Variants in RAB2A observed in about 807,000 individuals in gnomAD.
The protein encoded by RAB2A is ras-related protein Rab-2A.
In RAB2A, 7 loss-of-function variants were observed where a neutral mutation model predicts 32.5. That is an observed-to-expected ratio of 0.22 (90% CI 0.12 to 0.40). The LOEUF (loss-of-function observed/expected upper bound fraction) is 0.40. RAB2A is among the 10% of genes least tolerant of loss of function. The pLI is 1.00. For missense variants in RAB2A, 108 were observed against 260.7 expected (o/e 0.41, Z 4.03); for synonymous variants, 79 against 85.2 (o/e 0.93, Z 0.40).
chr8:60,525,150 T>G (rs1807359646), intron 1 of RAB2A, among the ~76,000 whole-genome samples: 1 of 152,238 alleles, frequency 6.6e-6, no homozygotes, highest in South Asian at 2.1e-4. Flanking sequence ...GAATCTCATC[T>G]CAAATTTTAA....
chr8:60,619,280 C>T (rs1230874876), intron 7 of RAB2A, among the ~76,000 whole-genome samples: 1 of 152,076 alleles, frequency 6.6e-6, no homozygotes, highest in Non-Finnish European at 1.5e-5. Flanking sequence ...CATCACTTGA[C>T]CCACATCCCC....
At chr8:60,586,053 C>A (rs1348390020) in intron 5 of RAB2A, among the ~76,000 whole-genome samples, 1 of 152,176 alleles carries the variant, frequency 6.6e-6, no homozygotes, top group Non-Finnish European at 1.5e-5. Context: ...GTGATCCCAA[C>A]ACTTTGGGAG....
intron 5 of RAB2A, among the ~76,000 whole-genome samples, chr8:60,586,988 G>A (rs1222815295): frequency 1.3e-5 from 2 of 151,400 alleles, no homozygotes; most frequent in Non-Finnish European, 2.9e-5. Flanking sequence ...ATCAAACATT[G>A]GCAGACTTTT....
chr8:60,572,096 C>T lies in RAB2A; in HGVS notation c.169C>T (p.Leu57Phe), dbSNP rs1719768205. 6.2e-7 allele frequency: 1 copy of T among 1,603,608 alleles called. No homozygotes were observed. Among genetic ancestry groups the T allele is most frequent in the Non-Finnish European group, 8.5e-7 (1 of 1,172,836 alleles). The change falls in exon 3 of 8, where the codon CTT (leucine) becomes TTT (phenylalanine). Residue 57 changes from leucine to phenylalanine, a missense_variant. By Grantham distance (22) the Leu-to-Phe change is conservative. Coordinates refer to ENST00000262646, the MANE Select transcript of RAB2A (RefSeq NM_002865.3). Reference protein sequence around the residue: ...MITIDGKQIKLQIWDTAGQES... With the variant: ...MITIDGKQIKFQIWDTAGQES... ...AACTATTGATGGGAAACAGATAAAA[C>T]TTCAGATATGGGATACGGTAAGTAT... is the stretch of plus-strand genomic sequence containing the variant.
intron 1 of RAB2A, among the ~76,000 whole-genome samples, chr8:60,549,004 G>A (rs1267363684): frequency 4.6e-5 from 7 of 151,406 alleles, no homozygotes; most frequent in African/African-American, 1.5e-4. Context: ...CCCGGACGGG[G>A]CGGCAGGGCA....
intron 6 of RAB2A, among the ~76,000 whole-genome samples, chr8:60,595,124 A>G (rs955925047): frequency 3.3e-5 from 5 of 152,226 alleles, no homozygotes; most frequent in Non-Finnish European, 5.9e-5. Flanking sequence ...GTTTTCTAAT[A>G]GAAGTGAAAT....
At chr8:60,611,031 C>T (rs1383485569) in intron 6 of RAB2A, among the ~76,000 whole-genome samples, 5 of 152,154 alleles carry the variant, frequency 3.3e-5, no homozygotes. Flanking sequence ...AAAGCGGAGT[C>T]ATCCATAAAC....
At chr8:60,611,261 A>T (rs1804342765) in intron 6 of RAB2A, among the ~76,000 whole-genome samples, 1 of 151,978 alleles carries the variant, frequency 6.6e-6, no homozygotes, top group Non-Finnish European at 1.5e-5. Flanking sequence ...CTACCTTTTC[A>T]GGGTTCCTCT....
intron 1 of RAB2A, among the ~76,000 whole-genome samples, chr8:60,541,148 A>G (rs1437572695): frequency 6.6e-6 from 1 of 152,182 alleles, no homozygotes; most frequent in Non-Finnish European, 1.5e-5. Context: ...CCTTCCAAAC[A>G]CTTATAATCC....
intron 6 of RAB2A, among the ~76,000 whole-genome samples, chr8:60,618,338 T>C (rs1043927610): frequency 6.6e-6 from 1 of 152,182 alleles, no homozygotes; most frequent in African/African-American, 2.4e-5. Context: ...TATCATGAAA[T>C]GTTGGATTTT....
intron 3 of RAB2A, among the ~76,000 whole-genome samples, chr8:60,574,252 G>A (rs1278756890): frequency 6.6e-6 from 1 of 152,100 alleles, no homozygotes; most frequent in Non-Finnish European, 1.5e-5. Context: ...CTGTAGTTCT[G>A]ATCCCACTGT....
chr8:60,593,893 T>TA lies in RAB2A; in HGVS notation c.474+1932dup, dbSNP rs894124325. On this transcript the variant is annotated intron_variant, in intron 6 of 7. Transcript: ENST00000262646. ...CAATCTGAGCAAAAGAAATGCAAGATAAAAAAAAGAACCAAATAGGAATTT... is the reference window on the plus strand; with the variant it reads ...CAATCTGAGCAAAAGAAATGCAAGATAAAAAAAAAGAACCAAATAGGAATTT... 5.6e-5 allele frequency among the ~76,000 whole-genome samples: 8 copies of TA among 143,682 alleles called. No individual in the cohort carries two copies. The South Asian group carries it at 1.1e-3, about 20-fold the overall frequency. 94.3% of individuals were successfully genotyped at this position (143,682 alleles called of 152,430 possible).
In RAB2A at chr8:60,601,230, G is replaced by A. The variant is rs1417193208; in HGVS notation, c.474+9261G>A. On this transcript the variant is annotated intron_variant, in intron 6 of 7. Coordinates refer to ENST00000262646, the MANE Select transcript of RAB2A (RefSeq NM_002865.3). ...ACTAGATTTTTGCTCTGTATGTTGCGTTTCTGCACAGGGCAAACTTTTATA... is the reference window on the plus strand; with the variant it reads ...ACTAGATTTTTGCTCTGTATGTTGCATTTCTGCACAGGGCAAACTTTTATA... Among the ~76,000 whole-genome samples, 4 of 64,430 alleles carry A rather than the reference G, an allele frequency of 6.2e-5. 1 individual carries two copies. The highest frequency in any genetic ancestry group is 1.2e-3 in the South Asian group (2 of 1,654). The allele number at this position is 64,430 out of a possible 152,430, so 42.3% of individuals were successfully genotyped here. A position where few individuals can be genotyped will look rare whatever the true frequency, so the allele number is the denominator to read the frequency against.
Position 60,517,050 on chromosome 8 carries a change from C to G in RAB2A, c.-158C>G, listed in dbSNP as rs1807215642. ...GCTCTGCGGGTGTCAGTTCGTCCGG[C>G]TTCCTCACAGCCCCTCACTCCCGGC... On this transcript the variant is annotated 5_prime_UTR_variant, in exon 1 of 8. Coordinates refer to ENST00000262646, the MANE Select transcript of RAB2A (RefSeq NM_002865.3). The G allele has an allele frequency of 1.5e-6, 1 of 645,578 alleles. No homozygotes were observed. Among genetic ancestry groups the G allele is most frequent in the East Asian group, 3.5e-5 (1 of 28,884 alleles). The allele number at this position is 645,578 out of a possible 1,614,324, so 40.0% of individuals were successfully genotyped here. A position where few individuals can be genotyped will look rare whatever the true frequency, so the allele number is the denominator to read the frequency against.
At chr8:60,567,549 A>T (rs1354567973) in intron 2 of RAB2A, among the ~76,000 whole-genome samples, 1 of 152,056 alleles carries the variant, frequency 6.6e-6, no homozygotes, top group Non-Finnish European at 1.5e-5. Flanking sequence ...GAGGCTTTTA[A>T]ATTTGAAAAT....
At chr8:60,565,446 A>G (rs1808095015) in intron 2 of RAB2A, among the ~76,000 whole-genome samples, 1 of 151,540 alleles carries the variant, frequency 6.6e-6, no homozygotes, top group Admixed American at 6.6e-5. Context: ...AAAGAAGTAA[A>G]TGATTGGTGG....
intron 1 of RAB2A, among the ~76,000 whole-genome samples, chr8:60,525,929 A>T (rs1010030781): frequency 7.3e-6 from 1 of 137,046 alleles, no homozygotes; most frequent in East Asian, 2.0e-4. Context: ...GAGAATAAAG[A>T]TATATATATA....
At chr8:60,611,210 A>G (rs1295856724) in intron 6 of RAB2A, among the ~76,000 whole-genome samples, 2 of 151,972 alleles carry the variant, frequency 1.3e-5, no homozygotes, top group Non-Finnish European at 2.9e-5. Flanking sequence ...CTTGTGATTC[A>G]TTCTCTAAAC....
At chr8:60,560,413 C>G (rs1360161677) in intron 2 of RAB2A, among the ~76,000 whole-genome samples, 1 of 152,170 alleles carries the variant, frequency 6.6e-6, no homozygotes, top group Admixed American at 6.5e-5. Context: ...CTTCGCTGCC[C>G]TCTCTATAGG....
Sources: allele counts gnomAD v4.1 joint callset (sites outside exome capture counted in the v4.1 genomes callset), GRCh38; gene constraint gnomAD v4.1.1; transcripts MANE v1.5; gene names NCBI Gene and HGNC (gene_info 2026-07-23, HGNC 2026-07-21).